The following AHI1 variants were observed in gnomAD, a reference collection of about 807,000 sequenced individuals.
AHI1 encodes the protein Abelson helper integration site 1.
In AHI1, 123 loss-of-function variants were observed where a neutral mutation model predicts 149.3. The observed-to-expected ratio is 0.82, with a 90% CI of 0.71 to 0.96. The LOEUF is 0.96. Ranked by LOEUF, AHI1 falls within the 40% of genes least tolerant of loss-of-function variation. The probability of loss-of-function intolerance (pLI) is 0.00; values close to 1 mark genes in which losing one functional copy is unlikely to be tolerated. For missense variants in AHI1, 1,439 were observed against 1,422.7 expected, an observed-to-expected ratio of 1.01 and a Z score of -0.18; for synonymous variants, 475 against 459.8, an observed-to-expected ratio of 1.03 and a Z score of -0.42.
intron 19 of AHI1, among the ~76,000 whole-genome samples, chr6:135,427,565 G>A (rs1784080113): frequency 6.6e-6 from 1 of 151,512 alleles, no homozygotes; most frequent in Non-Finnish European, 1.5e-5. Flanking sequence ...AAGACAAAGG[G>A]CACAGACGGA....
intron 20 of AHI1, among the ~76,000 whole-genome samples, chr6:135,419,360 T>C (rs1782827231): frequency 6.6e-6 from 1 of 152,088 alleles, no homozygotes; most frequent in African/African-American, 2.4e-5. Context: ...TGAAAATGTG[T>C]CATACATACC....
At chr6:135,490,336 C>T in intron 5 of AHI1, 1 of 674,768 alleles carries the variant, frequency 1.5e-6, no homozygotes, top group Non-Finnish European at 2.7e-6. Flanking sequence ...AAAATATTTT[C>T]TTCAAAAATG....
chr6:135,406,191 G>A (rs1005966574), intron 21 of AHI1, among the ~76,000 whole-genome samples: 21 of 152,060 alleles, frequency 1.4e-4, no homozygotes, highest in African/African-American at 2.9e-4. Flanking sequence ...TGAGAACATC[G>A]GTATATCTCA....
chr6:135,404,292 A>G (rs1780440091), intron 22 of AHI1, among the ~76,000 whole-genome samples: 1 of 152,208 alleles, frequency 6.6e-6, no homozygotes. Flanking sequence ...TAAAAGAGGA[A>G]AGCTGCTGTG....
intron 21 of AHI1, among the ~76,000 whole-genome samples, chr6:135,410,696 T>C (rs960759187): frequency 4.6e-5 from 7 of 152,242 alleles, no homozygotes; most frequent in Non-Finnish European, 1.0e-4. Context: ...CATTTTATCT[T>C]AGATGTCTTT....
intron 22 of AHI1, among the ~76,000 whole-genome samples, chr6:135,395,719 C>A (rs1228185947): frequency 6.6e-6 from 1 of 151,638 alleles, no homozygotes; most frequent in Non-Finnish European, 1.5e-5. Flanking sequence ...TCATTACTTT[C>A]AAAAAGCACA....
At chr6:135,316,491 C>T (rs879571955) in intron 26 of AHI1, among the ~76,000 whole-genome samples, 7 of 152,202 alleles carry the variant, frequency 4.6e-5, no homozygotes, top group South Asian at 2.1e-4. Flanking sequence ...CCAAATGCTT[C>T]GACAACCTAA....
At chr6:135,305,311 T>TCA (rs1784416123) in intron 26 of AHI1, 1 of 152,246 alleles carries the variant, frequency 6.6e-6, no homozygotes, top group Admixed American at 6.5e-5. Flanking sequence ...TAGCAATGGT[T>TCA]AGTTTTCAGC....
chr6:135,288,326 G>A (rs911961896), intron 28 of AHI1, among the ~76,000 whole-genome samples: 3 of 151,952 alleles, frequency 2.0e-5, no homozygotes, highest in Non-Finnish European at 4.4e-5. Context: ...TGAACTTGGG[G>A]CAAGAAGATT....
intron 13 of AHI1, among the ~76,000 whole-genome samples, chr6:135,445,219 G>GT (rs1369974985): frequency 5.9e-5 from 9 of 152,194 alleles, no homozygotes; most frequent in Non-Finnish European, 1.3e-4. Context: ...AGTAAGAATA[G>GT]TAAGCTCTTA....
At chr6:135,430,133 G>A (rs1784447192) in intron 17 of AHI1, 133 bp from the exon 18 acceptor site, 1 of 554,514 alleles carries the variant, frequency 1.8e-6, no homozygotes, top group Non-Finnish European at 3.1e-6. Context: ...TTAGCAAAAG[G>A]ATTCTGAGTA....
chr6:135,477,286 C>T (rs1283010153), intron 5 of AHI1, among the ~76,000 whole-genome samples: 5 of 152,132 alleles, frequency 3.3e-5, no homozygotes, highest in African/African-American at 1.2e-4. Context: ...GTGATCCACT[C>T]GCCTCGGCCT....
chr6:135,435,225 T>C (rs1785223236), intron 15 of AHI1: 1 of 152,214 alleles, frequency 6.6e-6, no homozygotes, highest in Non-Finnish European at 1.5e-5. Flanking sequence ...GTTAATGCTT[T>C]CACAATACTA....
At chr6:135,440,882 A>G (rs550197807) in intron 14 of AHI1, among the ~76,000 whole-genome samples, 1 of 152,280 alleles carries the variant, frequency 6.6e-6, no homozygotes, top group African/African-American at 2.4e-5. Flanking sequence ...GAGTTGCCAC[A>G]CTGCATTATT....
intron 28 of AHI1, among the ~76,000 whole-genome samples, chr6:135,289,923 C>A (rs1250159357): frequency 3.3e-5 from 5 of 151,994 alleles, no homozygotes; most frequent in African/African-American, 1.2e-4. Flanking sequence ...ACCATCCAAA[C>A]ACATTTTCCC....
chr6:135,344,926 T>TCA (rs59084001), intron 24 of AHI1, among the ~76,000 whole-genome samples: 4,844 of 145,400 alleles, frequency 0.033, 71 homozygotes, highest in Admixed American at 0.041. Flanking sequence ...AAGCTCTGAT[T>TCA]CACACACACA....
At chr6:135,420,464 G>A (rs1310542877) in intron 20 of AHI1, among the ~76,000 whole-genome samples, 1 of 152,202 alleles carries the variant, frequency 6.6e-6, no homozygotes, top group South Asian at 2.1e-4. Context: ...GAAAATCTGT[G>A]GTTTACTGTA....
At chr6:135,376,028 GA>G (rs1190740799) in intron 23 of AHI1, among the ~76,000 whole-genome samples, 1 of 136,180 alleles carries the variant, frequency 7.3e-6, no homozygotes, top group Non-Finnish European at 1.6e-5. Flanking sequence ...AAAAATGTTA[GA>G]AAAGTAGTAC....
rs777668842 is a variant in AHI1 at position 135,455,811 on chromosome 6, G to A, written c.1267C>T (p.Gln423Ter). ...GGAAAATTTTCATTAAATACAATTT[G>A]TTCTTCCCACTCTGGAAGTCTTGAT... ...LKSRLPEWEEQIVFNENFPYL... is the reference protein window; with the variant it reads ...LKSRLPEWEE Residue 423 changes from glutamine (Q) to a stop codon, truncating the protein, a stop_gained, in exon 10 of 29, where the codon CAA (glutamine) becomes TAA (stop). Transcript: ENST00000265602. LOFTEE classifies it high-confidence loss of function. 188 of 1,600,994 alleles carry A rather than the reference G, an allele frequency of 1.2e-4. No individual in the cohort carries two copies. The highest frequency in any genetic ancestry group is 1.4e-4 in the Non-Finnish European group (170 of 1,172,762).
Sources: allele counts gnomAD v4.1 joint callset (sites outside exome capture counted in the v4.1 genomes callset), GRCh38; gene constraint gnomAD v4.1.1; transcripts MANE v1.5; gene names NCBI Gene and HGNC (gene_info 2026-07-23, HGNC 2026-07-21).